ZC3H3: variants seen among roughly 807,000 people sequenced by gnomAD.
ZC3H3 encodes zinc finger CCCH-type containing 3, also known as zinc finger CCCH domain-containing protein 3.
A neutral mutation model predicts 77.3 loss-of-function variants in ZC3H3; 36 were observed. The ratio of observed to expected loss-of-function variants is 0.47; its 90% CI spans 0.36 to 0.61. The LOEUF is 0.61. Among genes scored for constraint, ZC3H3 ranks in the 20% least tolerant of loss-of-function variants. The pLI, the probability that ZC3H3 is intolerant of heterozygous loss-of-function variation, is 0.00. For synonymous variants in ZC3H3, 626 were observed against 555.2 expected, an observed-to-expected ratio of 1.13 and a Z score of -1.79; for missense variants, 1,331 against 1,312.2, an observed-to-expected ratio of 1.01 and a Z score of -0.22.
intron 5 of ZC3H3, among the ~76,000 whole-genome samples, chr8:143,474,833 C>G (rs1004152808): frequency 6.6e-6 from 1 of 152,248 alleles, no homozygotes; most frequent in Non-Finnish European, 1.5e-5. Context: ...GAGCCTGTTT[C>G]CCTGGGCTGG....
At chr8:143,488,948 C>T (rs1430822461) in intron 4 of ZC3H3, among the ~76,000 whole-genome samples, 1 of 152,260 alleles carries the variant, frequency 6.6e-6, no homozygotes, top group Non-Finnish European at 1.5e-5. Context: ...CTCAGATCCG[C>T]TGTCCATGTT....
intron 4 of ZC3H3, among the ~76,000 whole-genome samples, chr8:143,489,817 G>A (rs553988802): frequency 5.7e-4 from 87 of 152,330 alleles, no homozygotes; most frequent in African/African-American, 1.6e-3. Context: ...GGAAGTGGAC[G>A]CAATCTTAGC....
At chr8:143,532,831 A>G (rs1184351217) in intron 3 of ZC3H3, among the ~76,000 whole-genome samples, 1 of 152,108 alleles carries the variant, frequency 6.6e-6, no homozygotes, top group Non-Finnish European at 1.5e-5. Flanking sequence ...TCTCCTCAGC[A>G]GACGCCCTGG....
chr8:143,473,193 G>A (rs944222946), intron 5 of ZC3H3, among the ~76,000 whole-genome samples: 3 of 152,034 alleles, frequency 2.0e-5, no homozygotes, highest in African/African-American at 7.2e-5. Flanking sequence ...GACCCCGCCT[G>A]CCCCCAACCC....
At chr8:143,491,639 G>C (rs140606344) in intron 4 of ZC3H3, among the ~76,000 whole-genome samples, 1,791 of 152,366 alleles carry the variant, frequency 0.012, 30 homozygotes, top group African/African-American at 0.04. Context: ...GTGGTACAGA[G>C]AGGACCCCCC....
At chr8:143,469,359 G>C (rs1820499995) in intron 5 of ZC3H3, among the ~76,000 whole-genome samples, 1 of 152,260 alleles carries the variant, frequency 6.6e-6, no homozygotes, top group South Asian at 2.1e-4. Context: ...ATGCAGCAGA[G>C]AAGGTGTGGG....
intron 9 of ZC3H3, among the ~76,000 whole-genome samples, chr8:143,456,926 C>T (rs1820138286): frequency 6.6e-6 from 1 of 152,022 alleles, no homozygotes; most frequent in South Asian, 2.1e-4. Context: ...TGTAAATGCA[C>T]CAAACAAAAA....
chr8:143,526,647 T>C (rs1050852634), intron 3 of ZC3H3, among the ~76,000 whole-genome samples: 4 of 152,066 alleles, frequency 2.6e-5, no homozygotes, highest in African/African-American at 9.7e-5. Context: ...CAGAGGAGGC[T>C]GGCAGGGGCC....
chr8:143,478,005 C>T (rs1039380778), intron 4 of ZC3H3, among the ~76,000 whole-genome samples: 1 of 152,162 alleles, frequency 6.6e-6, no homozygotes, highest in African/African-American at 2.4e-5. Flanking sequence ...GATGGTAAGT[C>T]TGCACTCTCG....
chr8:143,512,392 C>G (rs1350359410), intron 3 of ZC3H3, among the ~76,000 whole-genome samples: 1 of 152,252 alleles, frequency 6.6e-6, no homozygotes, highest in Non-Finnish European at 1.5e-5. Flanking sequence ...TGCACGCCTG[C>G]AAACCTACTT....
chr8:143,539,106 A>T lies in ZC3H3; in HGVS notation c.261T>A (p.Pro87=), dbSNP rs1428975944. 1 of 1,612,836 alleles carries T rather than the reference A, an allele frequency of 6.2e-7. No homozygotes were observed. The highest frequency in any genetic ancestry group is 8.5e-7 in the Non-Finnish European group (1 of 1,180,000). Residue 87 remains proline (P), a synonymous_variant, in exon 2 of 12, where the codon CCT becomes CCA. Transcript: ENST00000262577. ...GCAACGGCCGCACAGCATGGTCGGC[A>T]GGAGGGTCTGAGGGTCCCGGGGGCC... is the stretch of plus-strand genomic sequence containing the variant. The part of the protein sequence containing the change: ...VNRPPGPSDP[P]ADHAVRPLHG...
chr8:143,498,712 TACAGGGCGGGGCGGAGGGGC>T (rs1396836908), intron 4 of ZC3H3, among the ~76,000 whole-genome samples: 5 of 104,372 alleles, frequency 4.8e-5, no homozygotes, highest in Non-Finnish European at 9.9e-5. Flanking sequence ...GGCAGAGGGG[TACAGGGCGGGGCGGAGGGGC>T]ACAGGGCGGG....
chr8:143,465,603 C>T lies in ZC3H3; in HGVS notation c.2307+114G>A. On this transcript the variant is annotated intron_variant, in intron 9 of 11. Transcript: ENST00000262577. Reference sequence around the variant, plus strand: ...TGTGAGGTGGACGTGATGGCACTGACCACCTCAGGGCTGCAGATGGGTCAT... The same window carrying T: ...TGTGAGGTGGACGTGATGGCACTGATCACCTCAGGGCTGCAGATGGGTCAT... The T allele has an allele frequency of 2.0e-6, 3 of 1,496,480 alleles. No individual in the cohort carries two copies. In the South Asian group the frequency reaches 3.8e-5, roughly 19 times the overall value. The allele number at this position is 1,496,480 out of a possible 1,614,324, so 92.7% of individuals were successfully genotyped here.
intron 4 of ZC3H3, among the ~76,000 whole-genome samples, chr8:143,481,490 G>A (rs1438844581): frequency 2.0e-5 from 3 of 152,192 alleles, no homozygotes; most frequent in African/African-American, 4.8e-5. Flanking sequence ...CGGGAGAGGC[G>A]AGGCCAGCAG....
At position 143,487,677 on chromosome 8, in the gene ZC3H3, C is replaced by A. The variant is rs1268234932; in HGVS notation, c.1716-12092G>T. ...CACAGAACAGCACCCGCTACACGAC[C>A]CCATCACCACGAAGCTCACACACAG... On this transcript the variant is annotated intron_variant, in intron 4 of 11. Coordinates refer to ENST00000262577, the MANE Select transcript of ZC3H3 (RefSeq NM_015117.3). 4.4e-5 allele frequency among the ~76,000 whole-genome samples: 2 copies of A among 45,886 alleles called. 1 individual carries two copies. The highest frequency in any genetic ancestry group is 1.6e-4 in the African/African-American group (2 of 12,692). The allele number at this position is 45,886 out of a possible 152,430, so 30.1% of individuals were successfully genotyped here. A position where few individuals can be genotyped will look rare whatever the true frequency, so the allele number is the denominator to read the frequency against.
At chr8:143,468,063 C>T (rs1420678212) in intron 8 of ZC3H3, 146 bp downstream of exon 8, 14 of 988,768 alleles carry the variant, frequency 1.4e-5, no homozygotes, top group Admixed American at 2.5e-5. Context: ...GGGGTAGAGA[C>T]GGTACAGCAG....
intron 9 of ZC3H3, among the ~76,000 whole-genome samples, chr8:143,459,143 C>G (rs1820193608): frequency 6.6e-6 from 1 of 152,156 alleles, no homozygotes; most frequent in East Asian, 1.9e-4. Context: ...GCCAGTAGTA[C>G]CCCGATAACA....
intron 5 of ZC3H3, among the ~76,000 whole-genome samples, chr8:143,471,758 C>A (rs1000846844): frequency 4.6e-5 from 7 of 152,204 alleles, no homozygotes; most frequent in African/African-American, 1.4e-4. Context: ...ACAGCCACCC[C>A]CACCCCTTCC....
intron 3 of ZC3H3, among the ~76,000 whole-genome samples, chr8:143,521,610 G>T (rs1822244889): frequency 6.6e-6 from 1 of 152,184 alleles, no homozygotes; most frequent in African/African-American, 2.4e-5. Flanking sequence ...GGTGGGACAG[G>T]CATGGAGGAC....
Sources: gnomAD v4.1 joint callset for allele counts (sites outside exome capture counted in the v4.1 genomes callset) on GRCh38, gnomAD v4.1.1 for gene constraint, MANE v1.5 for transcripts, NCBI Gene and HGNC (gene_info 2026-07-23, HGNC 2026-07-21) for gene names.